The following MYBPC3 variants were observed in gnomAD, a reference collection of about 807,000 sequenced individuals.
MYBPC3 encodes the protein myosin binding protein C3, also known as myosin-binding protein C, cardiac-type.
Under a neutral mutation model 159.3 loss-of-function variants are expected in MYBPC3, and 108 were observed. That is an observed-to-expected ratio of 0.68 (90% CI 0.58 to 0.80). The LOEUF (loss-of-function observed/expected upper bound fraction) is 0.80, where lower values mean the gene tolerates loss of function less well. Among genes scored for constraint, MYBPC3 ranks in the 30% least tolerant of loss-of-function variants. MYBPC3 has a pLI of 0.00. For synonymous variants in MYBPC3, 730 were observed against 702.0 expected, an observed-to-expected ratio of 1.04 and a Z score of -0.63; for missense variants, 1,631 against 1,762.1, an observed-to-expected ratio of 0.93 and a Z score of 1.33.
chr11:47,341,279 G>T, intron 18 of MYBPC3, 35 bp from the exon 19 acceptor site: 1 of 1,505,942 alleles, frequency 6.6e-7, no homozygotes, highest in Non-Finnish European at 9.0e-7. Context: ...GACCCCACTG[G>T]GCCACACACC....
intron 26 of MYBPC3, 140 bp from the exon 27 acceptor site, chr11:47,335,349 T>C: frequency 1.2e-6 from 1 of 803,158 alleles, no homozygotes; most frequent in Non-Finnish European, 1.7e-6. Flanking sequence ...ATTTTTGAGA[T>C]GGAGTTTCGC....
chr11:47,337,767 T>C lies in MYBPC3; in HGVS notation c.2336A>G (p.Lys779Arg), dbSNP rs774512738. The C allele has an allele frequency of 9.7e-6, 15 of 1,553,496 alleles. No homozygotes were observed. In the East Asian group the frequency reaches 2.4e-4, roughly 25 times the overall value. The change falls in exon 24 of 35, where the codon AAG (lysine) becomes AGG (arginine). Residue 779 changes from lysine to arginine, a missense_variant. By Grantham distance (26) the Lys-to-Arg change is conservative. Coordinates refer to ENST00000545968, the MANE Select transcript of MYBPC3 (RefSeq NM_000256.3). ...GGAGTCCTCTCCCACGTTGCTGATC[T>C]TGGGGGCCGCAGGTGCGTCTGGCAC... is the stretch of plus-strand genomic sequence containing the variant. The part of the protein sequence containing the change: ...IDVPDAPAAP[K>R]ISNVGEDSCT...
chr11:47,335,228 A>G lies in MYBPC3; in HGVS notation c.2738-19T>C. On this transcript the variant is annotated intron_variant, in intron 26 of 34. Coordinates refer to ENST00000545968, the MANE Select transcript of MYBPC3 (RefSeq NM_000256.3). Reference sequence around the variant, plus strand: ...TCTGAGCCTGGGGGTGGGGAGGGGGAGGCAAGGCCACAGGCTGTGTCACCA... The same window carrying G: ...TCTGAGCCTGGGGGTGGGGAGGGGGGGGCAAGGCCACAGGCTGTGTCACCA... 3.2e-6 allele frequency: 5 copies of G among 1,565,822 alleles called. No homozygotes were observed. The highest frequency in any genetic ancestry group is 1.2e-5 in the South Asian group (1 of 84,570).
chr11:47,347,242 C>T lies in MYBPC3; in HGVS notation c.905+184G>A, dbSNP rs567245685. 492 of 985,302 alleles carry T rather than the reference C, an allele frequency of 5.0e-4. 1 individual carries two copies. The highest frequency in any genetic ancestry group is 5.5e-4 in the Non-Finnish European group (453 of 829,900). The allele number at this position is 985,302 out of a possible 1,614,324, so 61.0% of individuals were successfully genotyped here. Reference sequence around the variant, plus strand: ...GGGACACTGTGAGGATGACTGTTGACGGGACATAATGTCTGCAGAGCCCTT... The same window carrying T: ...GGGACACTGTGAGGATGACTGTTGATGGGACATAATGTCTGCAGAGCCCTT... On this transcript the variant is annotated intron_variant, in intron 9 of 34. Transcript: ENST00000545968.
intron 25 of MYBPC3, among the ~76,000 whole-genome samples, chr11:47,337,024 T>C (rs770752067): frequency 6.6e-6 from 1 of 152,238 alleles, no homozygotes; most frequent in Non-Finnish European, 1.5e-5. Context: ...TGAACATTTA[T>C]TGAGCACCTG....
intron 25 of MYBPC3, 62 bp from the exon 26 acceptor site, chr11:47,336,073 C>T: frequency 7.3e-7 from 1 of 1,365,804 alleles, no homozygotes; most frequent in South Asian, 2.0e-5. Context: ...AGATCCATGC[C>T]CTAGACTCTG....
rs58411933 is a variant in MYBPC3 at position 47,348,908 on chromosome 11, T to TTATA, written c.655-371_655-368dup. Reference sequence around the variant, plus strand: ...CGACAGAGCGAGACCCTGTCTCAAATTATATATATATATATATATTTAAAG... The same window carrying TTATA: ...CGACAGAGCGAGACCCTGTCTCAAATTATATATATATATATATATATATTTAAAG... On this transcript the variant is annotated intron_variant, in intron 5 of 34. Coordinates refer to ENST00000545968, the MANE Select transcript of MYBPC3 (RefSeq NM_000256.3). Among the ~76,000 whole-genome samples, 256 of 39,878 alleles carry TTATA rather than the reference T, an allele frequency of 6.4e-3. 37 individuals are homozygous for TTATA. Among genetic ancestry groups the TTATA allele is most frequent in the African/African-American group, 0.014 (183 of 13,164 alleles). The allele number at this position is 39,878 out of a possible 152,430, so 26.2% of individuals were successfully genotyped here. A position where few individuals can be genotyped will look rare whatever the true frequency, so the allele number is the denominator to read the frequency against.
chr11:47,344,935 C>A (rs965163566), intron 12 of MYBPC3, among the ~76,000 whole-genome samples: 2 of 152,132 alleles, frequency 1.3e-5, no homozygotes, highest in Non-Finnish European at 2.9e-5. Flanking sequence ...GGATTACAGG[C>A]GCCTGCCACC....
chr11:47,342,590 G>C lies in MYBPC3; in HGVS notation c.1612C>G (p.Leu538Val). The change falls in exon 17 of 35, where the codon CTC (leucine) becomes GTC (valine). Residue 538 changes from leucine to valine, a missense_variant. Coordinates refer to ENST00000545968, the MANE Select transcript of MYBPC3 (RefSeq NM_000256.3). ...CTSGGQALAELIVQEKKLEVY... is the reference protein window; with the variant it reads ...CTSGGQALAEVIVQEKKLEVY... Reference sequence around the variant, plus strand: ...CAGCCAGGCTCACCCTGCACAATGAGCTCAGCCAGCGCCTGGCCCCCGCTA... The same window carrying C: ...CAGCCAGGCTCACCCTGCACAATGACCTCAGCCAGCGCCTGGCCCCCGCTA... The C allele has an allele frequency of 6.2e-7, 1 of 1,603,904 alleles. No individual in the cohort carries two copies. The highest frequency in any genetic ancestry group is 8.5e-7 in the Non-Finnish European group (1 of 1,174,470).
At chr11:47,333,167 C>T (rs1434336503) in intron 30 of MYBPC3, 27 bp downstream of exon 30, 23 of 1,594,512 alleles carry the variant, frequency 1.4e-5, no homozygotes, top group East Asian at 2.3e-5. Flanking sequence ...GCAGGGTGCA[C>T]GTGGGGACCC....
rs766132641 is a variant in MYBPC3 at position 47,349,890 on chromosome 11, C to T, written c.538G>A (p.Gly180Ser). The change falls in exon 5 of 35, where the codon GGC becomes AGC. Residue 180 changes from glycine to serine, a missense_variant. Physicochemically the swap from Gly to Ser is moderately conservative, Grantham distance 56 (BLOSUM62 0). Transcript: ENST00000545968. Reference protein sequence around the residue: ...GSITFSARVAGASLLKPPVVK... With the variant: ...GSITFSARVASASLLKPPVVK... ...ACAGGCGGCTTCAGGAGGCTGGCGCCGGCCACGCGGGCTGAGAAGGTGATG... is the reference window on the plus strand; with the variant it reads ...ACAGGCGGCTTCAGGAGGCTGGCGCTGGCCACGCGGGCTGAGAAGGTGATG... The T allele has an allele frequency of 5.6e-6, 9 of 1,610,144 alleles. No homozygotes were observed. The highest frequency in any genetic ancestry group is 2.2e-5 in the East Asian group (1 of 44,738).
At position 47,332,904 on chromosome 11, in the gene MYBPC3, C is replaced by T; in HGVS notation, c.3400G>A (p.Gly1134Ser). The change falls in exon 31 of 35, where the codon GGC becomes AGC. Residue 1134 changes from glycine to serine, a missense_variant. Gly to Ser is a moderately conservative substitution (Grantham distance 56). Coordinates refer to ENST00000545968, the MANE Select transcript of MYBPC3 (RefSeq NM_000256.3). This position sits in a 1 kb window ranked among gnomAD's most constrained non-coding sequence, Gnocchi z 4.2. ...TGGCTGAAGACGCGGAAGTAGTAGC[C>T]ATTGCCAATGATGAGCTCTGGCACC... ...CVVPELIIGN[G>S]YYFRVFSQNM... 6.2e-7 allele frequency: 1 copy of T among 1,609,478 alleles called. No homozygotes were observed.
intron 29 of MYBPC3, 34 bp downstream of exon 29, chr11:47,333,523 A>G: frequency 6.3e-7 from 1 of 1,598,462 alleles, no homozygotes; most frequent in South Asian, 1.1e-5. Flanking sequence ...AGGGAAGGGA[A>G]ACAAGGGGGC....
At chr11:47,349,409 G>A (rs1265477243) in intron 5 of MYBPC3, among the ~76,000 whole-genome samples, 1 of 152,138 alleles carries the variant, frequency 6.6e-6, no homozygotes, top group East Asian at 1.9e-4. Flanking sequence ...CCCATCCAGG[G>A]GCTTTACAAC....
intron 5 of MYBPC3, 54 bp from the exon 6 acceptor site, chr11:47,348,595 G>T (rs374223648): frequency 3.4e-5 from 49 of 1,421,212 alleles, no homozygotes; most frequent in Non-Finnish European, 4.7e-5. Context: ...GGGAGACAAG[G>T]CTCCGCACCC....
intron 12 of MYBPC3, among the ~76,000 whole-genome samples, chr11:47,345,706 C>A (rs2856663): frequency 6.6e-6 from 1 of 152,176 alleles, no homozygotes; most frequent in African/African-American, 2.4e-5. Context: ...AACCCAAGCC[C>A]TCCTGCTTTG....
At chr11:47,345,499 G>T (rs1459971524) in intron 12 of MYBPC3, among the ~76,000 whole-genome samples, 2 of 152,176 alleles carry the variant, frequency 1.3e-5, no homozygotes, top group African/African-American at 4.8e-5. Context: ...CTGCATGGAA[G>T]CTGACCCCTC....
chr11:47,334,098 G>A lies in MYBPC3; in HGVS notation c.2906-88C>T, dbSNP rs2095880079. ...CCAACCTCCCTTGAGACAAGGCCCA[G>A]AGAGCTGCAGCTAAGAAAAAAGCTG... On this transcript the variant is annotated intron_variant, in intron 27 of 34. Coordinates refer to ENST00000545968, the MANE Select transcript of MYBPC3 (RefSeq NM_000256.3). 5 of 1,306,642 alleles carry A rather than the reference G, an allele frequency of 3.8e-6. No homozygotes were observed. The Admixed American group carries it at 1.1e-4, about 29-fold the overall frequency. The allele number at this position is 1,306,642 out of a possible 1,614,324, so 80.9% of individuals were successfully genotyped here.
At chr11:47,343,705 G>C in intron 12 of MYBPC3, 81 bp from the exon 13 acceptor site, 1 of 1,431,646 alleles carries the variant, frequency 7.0e-7, no homozygotes, top group Non-Finnish European at 9.3e-7. Context: ...CTGTGGCTGG[G>C]GCCCAGGTCC....
Sources: gnomAD v4.1 joint callset for allele counts (sites outside exome capture counted in the v4.1 genomes callset) on GRCh38, gnomAD v4.1.1 for gene constraint, Gnocchi (gnomAD v3.1) non-coding constraint, MANE v1.5 for transcripts, NCBI Gene and HGNC (gene_info 2026-07-23, HGNC 2026-07-21) for gene names.